CSGALNACT1: variants seen among roughly 807,000 people sequenced by gnomAD.
CSGALNACT1 encodes chondroitin sulfate N-acetylgalactosaminyltransferase 1, also known as beta4GalNAcT-1.
In CSGALNACT1, 52 loss-of-function variants were observed where a neutral mutation model predicts 51.0. That is an observed-to-expected ratio of 1.02 (90% confidence interval 0.82 to 1.29). The LOEUF is 1.29. Ranked by LOEUF, CSGALNACT1 falls within the 50% of genes most tolerant of loss-of-function variation. CSGALNACT1 has a pLI of 0.00. For missense variants in CSGALNACT1, 935 were observed against 679.2 expected, an observed-to-expected ratio of 1.38 and a Z score of -4.19; for synonymous variants, 341 against 254.4, an observed-to-expected ratio of 1.34 and a Z score of -3.24.
chr8:19,650,442 C>T (rs1239801678), intron 1 of CSGALNACT1, among the ~76,000 whole-genome samples: 1 of 152,102 alleles, frequency 6.6e-6, no homozygotes, highest in East Asian at 1.9e-4. Context: ...TGAGAGAACA[C>T]CTAGTAATTA....
intron 1 of CSGALNACT1, among the ~76,000 whole-genome samples, chr8:19,676,728 G>A (rs534600574): frequency 6.1e-4 from 92 of 152,000 alleles, no homozygotes; most frequent in African/African-American, 1.4e-3. Context: ...CTCGGGAGCC[G>A]CACAAGCATT....
At chr8:19,478,413 CAAAAAAAAAA>C (rs55767885) in intron 4 of CSGALNACT1, among the ~76,000 whole-genome samples, 1 of 70,820 alleles carries the variant, frequency 1.4e-5, no homozygotes, top group Non-Finnish European at 2.6e-5. Context: ...GACTCCGTCT[CAAAAAAAAAA>C]AAAAAAAAAA....
chr8:19,745,300 T>C (rs1480553160), intron 1 of CSGALNACT1, among the ~76,000 whole-genome samples: 1 of 152,232 alleles, frequency 6.6e-6, no homozygotes, highest in East Asian at 1.9e-4. Flanking sequence ...GATACAATGA[T>C]ACCCATATCC....
At chr8:19,436,424 G>A (rs1585958893) in intron 6 of CSGALNACT1, among the ~76,000 whole-genome samples, 1 of 152,260 alleles carries the variant, frequency 6.6e-6, no homozygotes, top group Non-Finnish European at 1.5e-5. Context: ...ACCTCATTAA[G>A]CCTCAGTGTC....
At chr8:19,539,781 C>G (rs1222358724) in intron 3 of CSGALNACT1, among the ~76,000 whole-genome samples, 3 of 152,262 alleles carry the variant, frequency 2.0e-5, no homozygotes, top group Admixed American at 6.5e-5. Flanking sequence ...TTCTCCACCC[C>G]CTTCCAGAGG....
intron 4 of CSGALNACT1, among the ~76,000 whole-genome samples, chr8:19,478,461 T>G (rs2070425718): frequency 7.2e-6 from 1 of 138,242 alleles, no homozygotes; most frequent in African/African-American, 2.6e-5. Context: ...TGGGTCCCAC[T>G]CCCAGAGATT....
intron 2 of CSGALNACT1, among the ~76,000 whole-genome samples, chr8:19,594,667 C>T (rs1353490108): frequency 1.3e-5 from 2 of 152,034 alleles, no homozygotes; most frequent in African/African-American, 2.4e-5. Context: ...CCTCAGCTTC[C>T]CAAGTAGTTG....
intron 5 of CSGALNACT1, among the ~76,000 whole-genome samples, chr8:19,442,856 A>G (rs928198405): frequency 6.6e-6 from 1 of 152,186 alleles, no homozygotes; most frequent in Admixed American, 6.5e-5. Context: ...GCAAAGGTCA[A>G]CAGTCATTCT....
rs183175835 is a variant in CSGALNACT1, at chr8:19,600,175, C to T, written c.-416+1596G>A. Among the ~76,000 whole-genome samples, 265 of 152,220 alleles carry T rather than the reference C, an allele frequency of 1.7e-3. 2 individuals carry two copies. The highest frequency in any genetic ancestry group is 6.2e-3 in the African/African-American group (256 of 41,520). ...TTGGCTCACTGCAACCTCCACCTCC[C>T]CTGTTCAAGCGATTCTTCTGCCTCA... On this transcript the variant is annotated intron_variant, in intron 2 of 9. Coordinates refer to ENST00000454498, the Ensembl canonical transcript of CSGALNACT1.
intron 1 of CSGALNACT1, among the ~76,000 whole-genome samples, chr8:19,692,457 T>C (rs960403776): frequency 6.6e-6 from 1 of 152,202 alleles, no homozygotes; most frequent in Admixed American, 6.5e-5. Flanking sequence ...GTGTTCAATG[T>C]CTACGCTCAT....
upstream of CSGALNACT1, chr8:19,682,780 T>C (rs2060722614): frequency 2.2e-6 from 1 of 453,890 alleles, no homozygotes; most frequent in East Asian, 7.0e-5. Context: ...AAGTTTGAGG[T>C]CTGGTTTTAA....
upstream of CSGALNACT1, among the ~76,000 whole-genome samples, chr8:19,684,175 A>AT (rs397975416): frequency 5.3e-5 from 8 of 152,078 alleles, no homozygotes; most frequent in Non-Finnish European, 8.8e-5. Flanking sequence ...CAAAAAAAAA[A>AT]TACATAATAA....
intron 1 of CSGALNACT1, among the ~76,000 whole-genome samples, chr8:19,611,719 T>G (rs940555357): frequency 1.3e-5 from 2 of 152,200 alleles, no homozygotes; most frequent in African/African-American, 4.8e-5. Flanking sequence ...AAAAAGACTC[T>G]TTCTTCATTG....
intron 4 of CSGALNACT1, among the ~76,000 whole-genome samples, chr8:19,487,202 C>G (rs2073162092): frequency 6.6e-6 from 1 of 152,228 alleles, no homozygotes. Flanking sequence ...GCTCCAGAGA[C>G]TCATATGTCA....
At chr8:19,577,051 C>A (rs1406939738) in intron 3 of CSGALNACT1, among the ~76,000 whole-genome samples, 1 of 150,990 alleles carries the variant, frequency 6.6e-6, no homozygotes, top group African/African-American at 2.5e-5. Flanking sequence ...CCCTTAGACT[C>A]TGCTCCCCTT....
At chr8:19,450,381 C>A (rs2062962538) in intron 5 of CSGALNACT1, among the ~76,000 whole-genome samples, 1 of 151,890 alleles carries the variant, frequency 6.6e-6, no homozygotes, top group Admixed American at 6.6e-5. Flanking sequence ...AAAAAGGAAA[C>A]AGAAAAACAG....
intron 1 of CSGALNACT1, among the ~76,000 whole-genome samples, chr8:19,627,332 A>T (rs2054578135): frequency 6.6e-6 from 1 of 152,202 alleles, no homozygotes; most frequent in South Asian, 2.1e-4. Context: ...TCAAAAACTG[A>T]CGGAGCATGG....
At chr8:19,743,252 G>A (rs957847634) in intron 1 of CSGALNACT1, among the ~76,000 whole-genome samples, 5 of 152,102 alleles carry the variant, frequency 3.3e-5, no homozygotes, top group African/African-American at 7.2e-5. Context: ...TACATGAAAC[G>A]TATGGAGTGG....
upstream of CSGALNACT1, among the ~76,000 whole-genome samples, chr8:19,604,391 AC>A (rs2051050829): frequency 6.6e-6 from 1 of 152,216 alleles, no homozygotes; most frequent in Admixed American, 6.5e-5. Context: ...ACTCATTCCA[AC>A]CACAACAATG....
Sources: gnomAD v4.1 joint callset for allele counts (sites outside exome capture counted in the v4.1 genomes callset) on GRCh38, gnomAD v4.1.1 for gene constraint, MANE v1.5 for transcripts, NCBI Gene and HGNC (gene_info 2026-07-23, HGNC 2026-07-21) for gene names.